Variants in PTH2R observed in about 807,000 individuals in gnomAD.
PTH2R encodes parathyroid hormone 2 receptor.
In PTH2R, 59 loss-of-function variants were observed where a neutral mutation model predicts 60.3. That is an observed-to-expected ratio of 0.98 (90% CI 0.79 to 1.22). The LOEUF is 1.22. PTH2R is among the 50% of genes most tolerant of loss of function. PTH2R has a pLI of 0.00. For missense variants in PTH2R, 749 were observed against 682.6 expected (o/e 1.10, Z -1.08); for synonymous variants, 256 against 243.8 (o/e 1.05, Z -0.47).
At chr2:208,387,812 C>T (rs1381395759) in intron 1 of PTH2R, among the ~76,000 whole-genome samples, 3 of 152,134 alleles carry the variant, frequency 2.0e-5, no homozygotes, top group Non-Finnish European at 4.4e-5. Flanking sequence ...ACAACAACCC[C>T]TTTTTATACA....
chr2:208,402,696 A>T (rs1022383786), upstream of PTH2R, among the ~76,000 whole-genome samples: 4 of 152,148 alleles, frequency 2.6e-5, no homozygotes, highest in Admixed American at 2.0e-4. Flanking sequence ...GTGCTGAAAG[A>T]CTCAACATAA....
At chr2:208,365,654 G>C (rs975941553) in intron 1 of PTH2R, among the ~76,000 whole-genome samples, 1 of 150,616 alleles carries the variant, frequency 6.6e-6, no homozygotes, top group African/African-American at 2.4e-5. Flanking sequence ...TTTTTGCCTA[G>C]CTTTGATATC....
intron 1 of PTH2R, among the ~76,000 whole-genome samples, chr2:208,426,672 T>C (rs915516053): frequency 1.5e-4 from 23 of 152,192 alleles, no homozygotes; most frequent in African/African-American, 5.3e-4. Flanking sequence ...GTTTTGTAAA[T>C]GTCTGGCATT....
Position 208,490,660 on chromosome 2 carries a change from T to C in PTH2R, c.1237T>C (p.Tyr413His), listed in dbSNP as rs1232610931. The C allele has an allele frequency of 6.2e-7, 1 of 1,610,284 alleles. No homozygotes were observed. Among genetic ancestry groups the C allele is most frequent in the South Asian group, 1.1e-5 (1 of 90,180 alleles). The change falls in exon 12 of 13, where the codon TAC (tyrosine) becomes CAC (histidine). Residue 413 changes from tyrosine (Y) to histidine (H), a missense_variant. Transcript: ENST00000272847. ...SFQGFFVSII[Y>H]CYCNGEVQAE... ...GCAGGGTTTCTTTGTGTCTATCATCTACTGCTACTGCAATGGAGAGGTAGG... is the reference window on the plus strand; with the variant it reads ...GCAGGGTTTCTTTGTGTCTATCATCCACTGCTACTGCAATGGAGAGGTAGG...
chr2:208,376,055 G>T (rs1286538054), intron 1 of PTH2R, among the ~76,000 whole-genome samples: 3 of 152,084 alleles, frequency 2.0e-5, no homozygotes, highest in Non-Finnish European at 4.4e-5. Context: ...CCTGGGCATG[G>T]CCTTTTATTT....
At chr2:208,422,844 A>G (rs980499281) in intron 1 of PTH2R, among the ~76,000 whole-genome samples, 1 of 152,164 alleles carries the variant, frequency 6.6e-6, no homozygotes, top group Non-Finnish European at 1.5e-5. Context: ...CAAGATACAG[A>G]ACACTTTCTT....
chr2:208,487,631 G>C (rs1703301363), intron 10 of PTH2R, among the ~76,000 whole-genome samples: 1 of 152,206 alleles, frequency 6.6e-6, no homozygotes, highest in South Asian at 2.1e-4. Context: ...CTATTTCCCA[G>C]TTTCTGTAGG....
At chr2:208,490,719 T>A (rs762555635) in intron 12 of PTH2R, 39 bp downstream of exon 12, 1 of 1,567,052 alleles carries the variant, frequency 6.4e-7, no homozygotes, top group Non-Finnish European at 8.6e-7. Context: ...TCGCTTCAGC[T>A]TGTAAATGGC....
At chr2:208,465,773 A>G (rs902857705) in intron 9 of PTH2R, among the ~76,000 whole-genome samples, 1 of 152,142 alleles carries the variant, frequency 6.6e-6, no homozygotes, top group African/African-American at 2.4e-5. Flanking sequence ...CAAAAACAAC[A>G]TTAAAAACAT....
intron 9 of PTH2R, among the ~76,000 whole-genome samples, chr2:208,472,664 TG>T (rs1443479242): frequency 2.2e-4 from 33 of 152,214 alleles, no homozygotes; most frequent in African/African-American, 7.5e-4. Context: ...ACCTTTTTTT[TG>T]TTTTCAGTCT....
intron 2 of PTH2R, among the ~76,000 whole-genome samples, chr2:208,433,128 A>C (rs1483530559): frequency 6.6e-6 from 1 of 152,264 alleles, no homozygotes; most frequent in Non-Finnish European, 1.5e-5. Context: ...AATTATACAT[A>C]AAAGAATAAA....
intron 1 of PTH2R, among the ~76,000 whole-genome samples, chr2:208,367,302 C>T (rs1395447067): frequency 6.6e-6 from 1 of 152,128 alleles, no homozygotes; most frequent in Non-Finnish European, 1.5e-5. Context: ...CCATGTTGGC[C>T]AGGCTGGTCT....
intron 10 of PTH2R, among the ~76,000 whole-genome samples, chr2:208,484,846 T>TG (rs1456461848): frequency 6.6e-6 from 1 of 152,136 alleles, no homozygotes. Context: ...CTCTTGGCAA[T>TG]GGGATAATAA....
intron 8 of PTH2R, among the ~76,000 whole-genome samples, chr2:208,453,747 G>A (rs1431184563): frequency 6.6e-6 from 1 of 152,170 alleles, no homozygotes; most frequent in Non-Finnish European, 1.5e-5. Flanking sequence ...CTCAGCCTCA[G>A]TCTTCCATCT....
intron 1 of PTH2R, among the ~76,000 whole-genome samples, chr2:208,412,185 G>A (rs1182396263): frequency 5.3e-5 from 8 of 152,094 alleles, no homozygotes; most frequent in Admixed American, 5.2e-4. Flanking sequence ...ATAAGTACTT[G>A]ATCAATATCT....
rs759950034 is a variant in PTH2R at position 208,493,589 on chromosome 2, A to T, written c.1583A>T (p.Lys528Met). The change falls in exon 13 of 13, where the codon AAG becomes ATG. Residue 528 changes from lysine to methionine, a missense_variant. Physicochemically the swap from Lys to Met is moderately conservative, Grantham distance 95. Coordinates refer to ENST00000272847, the MANE Select transcript of PTH2R (RefSeq NM_005048.4). ...CAGGGAGATGATATTCTAATGGAGAAGCCTTCCAGGCCTATGGAATCTAAC... is the reference window on the plus strand; with the variant it reads ...CAGGGAGATGATATTCTAATGGAGATGCCTTCCAGGCCTATGGAATCTAAC... ...GRQGDDILME[K>M]PSRPMESNPD... The T allele has an allele frequency of 1.2e-6, 2 of 1,610,632 alleles. No individual in the cohort carries two copies. Among genetic ancestry groups the T allele is most frequent in the South Asian group, 2.2e-5 (2 of 90,248 alleles).
chr2:208,437,763 T>C lies in PTH2R; in HGVS notation c.293T>C (p.Val98Ala), dbSNP rs1373191994. ...AGCATCTTTCATGTCTTTACAGGAG[T>C]TGCTTTCCGACACTGTAACCCCAAT... ...PYIYDFNHKG[V>A]AFRHCNPNGT... The change falls in exon 4 of 13, where the codon GTT (valine) becomes GCT (alanine). Residue 98 changes from valine (V) to alanine (A), a missense_variant. By Grantham distance (64) the Val-to-Ala change is moderately conservative. Coordinates refer to ENST00000272847, the MANE Select transcript of PTH2R (RefSeq NM_005048.4). The C allele has an allele frequency of 3.7e-6, 6 of 1,611,810 alleles. No individual in the cohort carries two copies. The highest frequency in any genetic ancestry group is 2.7e-5 in the African/African-American group (2 of 74,890).
intron 1 of PTH2R, among the ~76,000 whole-genome samples, chr2:208,398,521 G>C (rs189394172): frequency 6.6e-6 from 1 of 152,304 alleles, no homozygotes; most frequent in Admixed American, 6.5e-5. Context: ...AAACTGCAAA[G>C]GCATAGAAGA....
intron 1 of PTH2R, among the ~76,000 whole-genome samples, chr2:208,382,440 A>G (rs1250203012): frequency 6.6e-6 from 1 of 152,244 alleles, no homozygotes; most frequent in African/African-American, 2.4e-5. Flanking sequence ...AAAAGAGGAA[A>G]AACACTAGCA....
Sources: allele counts gnomAD v4.1 joint callset (sites outside exome capture counted in the v4.1 genomes callset), GRCh38; gene constraint gnomAD v4.1.1; transcripts MANE v1.5; gene names NCBI Gene and HGNC (gene_info 2026-07-23, HGNC 2026-07-21).